The following TFAP2A variants were observed in gnomAD, a reference collection of about 807,000 sequenced individuals.
TFAP2A encodes the protein transcription factor AP-2 alpha, also known as transcription factor AP-2-alpha.
A neutral mutation model predicts 41.5 loss-of-function variants in TFAP2A; 7 were observed. The observed-to-expected ratio is 0.17, with a 90% CI of 0.10 to 0.32. The LOEUF is 0.32. Ranked by LOEUF, TFAP2A falls within the 10% of genes least tolerant of loss-of-function variation. The pLI is 1.00. For missense variants in TFAP2A, 416 were observed against 563.3 expected, an observed-to-expected ratio of 0.74 and a Z score of 2.65; for synonymous variants, 247 against 242.8, an observed-to-expected ratio of 1.02 and a Z score of -0.16.
At chr6:10,414,866 G>A (rs554863483) in intron 1 of TFAP2A, 75 bp downstream of exon 1, 7 of 1,594,974 alleles carry the variant, frequency 4.4e-6, no homozygotes, top group Non-Finnish European at 6.0e-6. Flanking sequence ...CTGGTTGCAA[G>A]GAGAGGAGGA....
At chr6:10,406,916 TG>T (rs1757741101) in intron 2 of TFAP2A, 72 bp from the exon 3 acceptor site, 1 of 1,187,756 alleles carries the variant, frequency 8.4e-7, no homozygotes, top group Admixed American at 1.7e-5. Context: ...CCCTGCAAGA[TG>T]GGAGGAGGGG....
intron 2 of TFAP2A, 138 bp downstream of exon 2, chr6:10,409,763 C>G (rs899066485): frequency 1.8e-6 from 2 of 1,098,142 alleles, no homozygotes; most frequent in Non-Finnish European, 1.3e-6. Flanking sequence ...CCCTCACTCT[C>G]CGCCTCCGAA....
Position 10,397,914 on chromosome 6 carries a change from CTTTTT to C in TFAP2A, c.*498_*502del, listed in dbSNP as rs544361557. The stretch of plus-strand genomic sequence containing the variant: ...TAAAAATGTTGTCATCATCTTTTGG[CTTTTT>C]TTTTTTTTTTAAGTATGGCTACAAT... On this transcript the variant is annotated 3_prime_UTR_variant, in exon 7 of 7. Coordinates refer to ENST00000379613, the MANE Select transcript of TFAP2A (RefSeq NM_001372066.1). 5.9e-4 allele frequency: 531 copies of C among 902,688 alleles called. 2 individuals are homozygous for C. The highest frequency in any genetic ancestry group is 5.4e-3 in the African/African-American group (265 of 48,698). The allele number at this position is 902,688 out of a possible 1,614,324, so 55.9% of individuals were successfully genotyped here.
At chr6:10,409,823 G>GT in intron 2 of TFAP2A, 78 bp downstream of exon 2, 4 of 1,497,962 alleles carry the variant, frequency 2.7e-6, no homozygotes, top group Non-Finnish European at 3.6e-6. Context: ...CCCACCGACT[G>GT]TATGTTCCAG....
At chr6:10,413,681 A>G (rs1758103588) in intron 1 of TFAP2A, among the ~76,000 whole-genome samples, 1 of 152,088 alleles carries the variant, frequency 6.6e-6, no homozygotes, top group African/African-American at 2.4e-5. Flanking sequence ...GTCCCCATCT[A>G]CCGGGGTGGG....
chr6:10,414,522 G>A, intron 1 of TFAP2A: 1 of 330,972 alleles, frequency 3.0e-6, no homozygotes, highest in South Asian at 2.9e-5. Flanking sequence ...AAAGATCGGA[G>A]AGGAAGTTCA....
intron 5 of TFAP2A, 80 bp from the exon 6 acceptor site, chr6:10,400,669 C>T: frequency 6.6e-7 from 1 of 1,511,242 alleles, no homozygotes; most frequent in Non-Finnish European, 9.2e-7. Context: ...TCCCAACTCC[C>T]TAATTCCCTT....
At position 10,400,496 on chromosome 6, in the gene TFAP2A, G is replaced by C. The variant is rs1277818334; in HGVS notation, c.983C>G (p.Ser328Cys). 1.2e-6 allele frequency: 2 copies of C among 1,614,074 alleles called. No individual in the cohort carries two copies. The highest frequency in any genetic ancestry group is 1.7e-6 in the Non-Finnish European group (2 of 1,180,046). Reference sequence around the variant, plus strand: ...TCTTGTCACTTGCTCATTGGGATCGGAATGTTGTCGGTTGAGAAATTCAGC... The same window carrying C: ...TCTTGTCACTTGCTCATTGGGATCGCAATGTTGTCGGTTGAGAAATTCAGC... Reference protein sequence around the residue: ...AVAEFLNRQHSDPNEQVTRKN... With the variant: ...AVAEFLNRQHCDPNEQVTRKN... Residue 328 changes from serine to cysteine, a missense_variant, in exon 6 of 7, where the codon TCC becomes TGC. Physicochemically the swap from Ser to Cys is moderately radical, Grantham distance 112. Transcript: ENST00000379613.
At chr6:10,414,276 T>C (rs1334648421) in intron 1 of TFAP2A, among the ~76,000 whole-genome samples, 1 of 152,078 alleles carries the variant, frequency 6.6e-6, no homozygotes, top group African/African-American at 2.4e-5. Flanking sequence ...ATCCTGTAGC[T>C]CAGAGGGAGA....
chr6:10,415,144 AG>A (rs1397170569), upstream of TFAP2A: 10 of 1,537,164 alleles, frequency 6.5e-6, no homozygotes, highest in Non-Finnish European at 4.4e-6. Context: ...GGAGAGGAGG[AG>A]GGCAAGGAGG....
chr6:10,407,638 T>G (rs1200916694), intron 2 of TFAP2A: 1 of 152,090 alleles, frequency 6.6e-6, no homozygotes, highest in East Asian at 1.9e-4. Flanking sequence ...TGTTTACAAA[T>G]TAGCACCAGG....
At position 10,397,914 on chromosome 6, in the gene TFAP2A, CTTTTTT is replaced by C. The variant is rs544361557; in HGVS notation, c.*497_*502del. On this transcript the variant is annotated 3_prime_UTR_variant, in exon 7 of 7. Transcript: ENST00000379613. ...TAAAAATGTTGTCATCATCTTTTGG[CTTTTTT>C]TTTTTTTTTAAGTATGGCTACAATC... is the stretch of plus-strand genomic sequence containing the variant. The C allele has an allele frequency of 8.9e-6, 8 of 902,676 alleles. No homozygotes were observed. In the African/African-American group the frequency reaches 1.4e-4, roughly 16 times the overall value. The allele number at this position is 902,676 out of a possible 1,614,324, so 55.9% of individuals were successfully genotyped here.
upstream of TFAP2A, chr6:10,416,802 C>T (rs1758263149): frequency 6.6e-6 from 1 of 152,298 alleles, no homozygotes; most frequent in Admixed American, 6.5e-5. Context: ...CCTCAGCAAA[C>T]TCCCCAAACC....
At position 10,398,093 on chromosome 6, in the gene TFAP2A, AG is replaced by A. The variant is rs1761849862; in HGVS notation, c.*323del. The A allele has an allele frequency of 8.4e-7, 1 of 1,191,698 alleles. No individual in the cohort carries two copies. Among genetic ancestry groups the A allele is most frequent in the African/African-American group, 1.6e-5 (1 of 62,450 alleles). The allele number at this position is 1,191,698 out of a possible 1,614,324, so 73.8% of individuals were successfully genotyped here. ...ATTTGTTGTTTTGTTTAAAAAAAAA[AG>A]GGTTCACAAACTTGGCAGAACTTTT... On this transcript the variant is annotated 3_prime_UTR_variant, in exon 7 of 7. Transcript: ENST00000379613. This position sits in a 1 kb window ranked among gnomAD's most constrained non-coding sequence, Gnocchi z 5.3.
At chr6:10,414,845 G>A in intron 1 of TFAP2A, 96 bp downstream of exon 1, 2 of 1,538,964 alleles carry the variant, frequency 1.3e-6, no homozygotes, top group Non-Finnish European at 9.0e-7. Context: ...TGTCCCACCC[G>A]CGTTTCGCAG....
At chr6:10,405,075 A>T (rs750211315) in intron 3 of TFAP2A, 221 of 377,914 alleles carry the variant, frequency 5.8e-4, no homozygotes, top group Non-Finnish European at 8.5e-4. Flanking sequence ...ATCCGAGCGG[A>T]GTGGGCCCCA....
chr6:10,416,483 A>C (rs1275160760), upstream of TFAP2A: 1 of 151,870 alleles, frequency 6.6e-6, no homozygotes, highest in African/African-American at 2.4e-5. Context: ...AGAGTAATTA[A>C]TTTTCCTGGC....
At chr6:10,406,165 T>C (rs1046110502) in intron 3 of TFAP2A, 6 of 152,410 alleles carry the variant, frequency 3.9e-5, no homozygotes, top group Admixed American at 1.3e-4. Context: ...TTATTTCTAC[T>C]CACTAAACAC....
chr6:10,410,323 C>T lies in TFAP2A; in HGVS notation c.64G>A (p.Gly22Ser), dbSNP rs1031902856. ...AACCGTGCCGTCCCGTTGCTGGTGC[C>T]GTCGTGACGGTCCTAGAAGAGAGCG... ...KYEDCEDRHDGTSNGTARLPQ... is the reference protein window; with the variant it reads ...KYEDCEDRHDSTSNGTARLPQ... The change falls in exon 2 of 7, where the codon GGC (glycine) becomes AGC (serine). Residue 22 changes from glycine (G) to serine (S), a missense_variant. Around this residue, in one of 3 missense-constraint regions of TFAP2A, gnomAD observed 241 missense variants for 274.1 expected, o/e 0.88. Coordinates refer to ENST00000379613, the MANE Select transcript of TFAP2A (RefSeq NM_001372066.1). 6.2e-7 allele frequency: 1 copy of T among 1,611,590 alleles called. No homozygotes were observed. Among genetic ancestry groups the T allele is most frequent in the Non-Finnish European group, 8.5e-7 (1 of 1,179,302 alleles).
Sources: allele counts gnomAD v4.1 joint callset (sites outside exome capture counted in the v4.1 genomes callset), GRCh38; gene constraint gnomAD v4.1.1; regional missense constraint gnomAD v4.1.1; non-coding constraint Gnocchi (gnomAD v3.1); transcripts MANE v1.5; gene names NCBI Gene and HGNC (gene_info 2026-07-23, HGNC 2026-07-21).